Variants in LHFPL3 observed in about 807,000 individuals in gnomAD.
LHFPL3 encodes the protein LHFPL tetraspan subfamily member 3 protein.
LHFPL3 carries 5 observed loss-of-function variants against 19.3 expected under a neutral mutation model. The observed-to-expected ratio is 0.26, with a 90% CI of 0.14 to 0.54. The LOEUF (loss-of-function observed/expected upper bound fraction) is 0.54, where lower values mean the gene tolerates loss of function less well. Ranked by LOEUF, LHFPL3 falls within the 20% of genes least tolerant of loss-of-function variation. The pLI is 0.94. For synonymous variants in LHFPL3, 133 were observed against 126.2 expected (o/e 1.05, Z -0.36); for missense variants, 249 against 307.4 (o/e 0.81, Z 1.42).
chr7:104,772,034 T>G (rs1362059663), intron 2 of LHFPL3, among the ~76,000 whole-genome samples: 3 of 151,950 alleles, frequency 2.0e-5, no homozygotes, highest in Non-Finnish European at 4.4e-5. Context: ...TGGCCAGGAA[T>G]GGTCTCGATC....
chr7:104,426,229 C>T (rs188158806), intron 1 of LHFPL3, among the ~76,000 whole-genome samples: 74 of 151,676 alleles, frequency 4.9e-4, no homozygotes, highest in Admixed American at 3.7e-3. Context: ...TGGTGTTCTA[C>T]ACTATGTTCT....
At chr7:104,736,510 C>CAG (rs1793824681) in intron 1 of LHFPL3, among the ~76,000 whole-genome samples, 165 bp from the exon 2 acceptor site, 1 of 151,016 alleles carries the variant, frequency 6.6e-6, no homozygotes, top group African/African-American at 2.4e-5. Flanking sequence ...TGCATGCCCA[C>CAG]ACACACACAC....
intron 1 of LHFPL3, among the ~76,000 whole-genome samples, chr7:104,495,170 A>G (rs1045909279): frequency 1.3e-5 from 2 of 151,938 alleles, no homozygotes; most frequent in South Asian, 2.1e-4. Flanking sequence ...TCCAACCCCC[A>G]CTAGCCAAAC....
intron 1 of LHFPL3, among the ~76,000 whole-genome samples, chr7:104,564,602 G>T (rs796754556): frequency 4.6e-5 from 7 of 152,342 alleles, no homozygotes; most frequent in African/African-American, 1.7e-4. Flanking sequence ...AGATTTTGAT[G>T]TAGAGAACTA....
chr7:104,868,188 T>C (rs1791766184), intron 2 of LHFPL3, among the ~76,000 whole-genome samples: 1 of 152,134 alleles, frequency 6.6e-6, no homozygotes, highest in African/African-American at 2.4e-5. Flanking sequence ...ATGCCCTCTC[T>C]CACCACTCCT....
intron 1 of LHFPL3, among the ~76,000 whole-genome samples, chr7:104,413,339 G>C (rs568158466): frequency 6.6e-6 from 1 of 152,236 alleles, no homozygotes; most frequent in South Asian, 2.1e-4. Context: ...TATTCCCCCA[G>C]GGAGTCCTTG....
intron 1 of LHFPL3, among the ~76,000 whole-genome samples, chr7:104,481,711 A>G (rs1372470385): frequency 1.3e-5 from 2 of 152,132 alleles, no homozygotes; most frequent in Non-Finnish European, 2.9e-5. Context: ...TTCAGGCTAG[A>G]TAGTCAAAAG....
At chr7:104,559,696 G>C (rs1370715285) in intron 1 of LHFPL3, among the ~76,000 whole-genome samples, 1 of 152,124 alleles carries the variant, frequency 6.6e-6, no homozygotes, top group East Asian at 1.9e-4. Flanking sequence ...TAATTGCCCT[G>C]GCCAGAACTT....
At chr7:104,824,342 A>AT (rs1790760149) in intron 2 of LHFPL3, among the ~76,000 whole-genome samples, 1 of 25,370 alleles carries the variant, frequency 3.9e-5, no homozygotes, top group African/African-American at 1.5e-4. Context: ...TAATATATAT[A>AT]ATTATAGATA....
intron 1 of LHFPL3, among the ~76,000 whole-genome samples, chr7:104,704,080 G>T (rs1323843478): frequency 6.6e-6 from 1 of 152,152 alleles, no homozygotes; most frequent in African/African-American, 2.4e-5. Flanking sequence ...ACAGTGGTGT[G>T]CTAGAGCTGA....
intron 1 of LHFPL3, among the ~76,000 whole-genome samples, chr7:104,687,623 T>C (rs1247416713): frequency 2.6e-5 from 4 of 152,080 alleles, no homozygotes; most frequent in Non-Finnish European, 4.4e-5. Flanking sequence ...TTTAGGAGCC[T>C]AAGCCAAAAA....
chr7:104,386,254 C>T (rs1173455011), intron 1 of LHFPL3, among the ~76,000 whole-genome samples: 1 of 152,150 alleles, frequency 6.6e-6, no homozygotes, highest in Non-Finnish European at 1.5e-5. Context: ...TGACATATTT[C>T]ACAGTTCCCT....
chr7:104,343,512 CAAAAAAAAAAAAAAAAAAAAAAAAAAAA>C lies in LHFPL3; in HGVS notation c.445+14300_445+14327del, dbSNP rs536122769. ...TGGGCAACAGAGTGAGACTCTGTCT[CAAAAAAAAAAAAAAAAAAAAAAAAAAAA>C]AAAAAAAAAAAGCCAAGCTTGAATT... is the stretch of plus-strand genomic sequence containing the variant. On this transcript the variant is annotated intron_variant, in intron 1 of 2. Coordinates refer to ENST00000424859, the MANE Select transcript of LHFPL3 (RefSeq NM_199000.3). Among the ~76,000 whole-genome samples, 5 of 47,476 alleles carry C rather than the reference CAAAAAAAAAAAAAAAAAAAAAAAAAAAA, an allele frequency of 1.1e-4. 1 individual carries two copies. The highest frequency in any genetic ancestry group is 7.6e-4 in the Admixed American group (3 of 3,964). The allele number at this position is 47,476 out of a possible 152,430, so 31.1% of individuals were successfully genotyped here.
chr7:104,636,715 T>C (rs907373961), intron 1 of LHFPL3, among the ~76,000 whole-genome samples: 1 of 152,220 alleles, frequency 6.6e-6, no homozygotes, highest in African/African-American at 2.4e-5. Flanking sequence ...AACATGTTCC[T>C]GATCTCATTC....
chr7:104,757,178 C>A (rs1165999461), intron 2 of LHFPL3, among the ~76,000 whole-genome samples: 1 of 152,168 alleles, frequency 6.6e-6, no homozygotes, highest in Non-Finnish European at 1.5e-5. Flanking sequence ...AAACTGGACC[C>A]TTATCTTCCA....
At chr7:104,633,837 T>A (rs545857430) in intron 1 of LHFPL3, among the ~76,000 whole-genome samples, 11 of 152,324 alleles carry the variant, frequency 7.2e-5, no homozygotes, top group Admixed American at 6.5e-4. Context: ...AACACTAAGT[T>A]ATAATATTTC....
intron 1 of LHFPL3, among the ~76,000 whole-genome samples, chr7:104,689,273 C>A (rs1385035434): frequency 6.6e-6 from 1 of 152,102 alleles, no homozygotes; most frequent in Non-Finnish European, 1.5e-5. Flanking sequence ...CTGTCAAAGG[C>A]AAGGTGGGTG....
At chr7:104,348,683 A>G (rs1363562213) in intron 1 of LHFPL3, among the ~76,000 whole-genome samples, 1 of 152,244 alleles carries the variant, frequency 6.6e-6, no homozygotes, top group Non-Finnish European at 1.5e-5. Context: ...TTTCCAAAAG[A>G]AATTCTTTTT....
Position 104,613,600 on chromosome 7 carries a change from A to T in LHFPL3, c.446-123075A>T, listed in dbSNP as rs552225164. On this transcript the variant is annotated intron_variant, in intron 1 of 2. Transcript: ENST00000424859. ...AACTCAACCTAATTCCGCAACACCA[A>T]CCCATCTACCCTCCACTCACCCCTA... is the stretch of plus-strand genomic sequence containing the variant. 1.8e-4 allele frequency among the ~76,000 whole-genome samples: 27 copies of T among 152,102 alleles called. 1 individual carries two copies. In the South Asian group the frequency reaches 5.6e-3, roughly 32 times the overall value.
Sources: gnomAD v4.1 joint callset for allele counts (sites outside exome capture counted in the v4.1 genomes callset) on GRCh38, gnomAD v4.1.1 for gene constraint, MANE v1.5 for transcripts, NCBI Gene and HGNC (gene_info 2026-07-23, HGNC 2026-07-21) for gene names.